BAHCC1: variants seen among roughly 807,000 people sequenced by gnomAD.
The protein encoded by BAHCC1 is BAH and coiled-coil domain-containing protein 1.
Under a neutral mutation model 88.2 loss-of-function variants are expected in BAHCC1, and 43 were observed. That is an observed-to-expected ratio of 0.49 (90% confidence interval 0.38 to 0.63). BAHCC1 has a LOEUF of 0.63. BAHCC1 is among the 20% of genes least tolerant of loss of function. The pLI is 0.00. For synonymous variants in BAHCC1, 1,510 were observed against 745.5 expected, an observed-to-expected ratio of 2.03 and a Z score of -16.71; for missense variants, 3,023 against 1,654.8, an observed-to-expected ratio of 1.83 and a Z score of -14.34.
chr17:81,407,727 T>C (rs186234736), intron 2 of BAHCC1, among the ~76,000 whole-genome samples: 1 of 152,312 alleles, frequency 6.6e-6, no homozygotes, highest in East Asian at 1.9e-4. Context: ...CCAGTAAGGA[T>C]ATCCCAGCGG....
rs1008356410 is a variant in BAHCC1 at position 81,430,395 on chromosome 17, C to T, written c.358+3416C>T. Among the ~76,000 whole-genome samples the T allele has an allele frequency of 1.8e-4, 28 of 152,302 alleles. No homozygotes were observed. In the East Asian group the frequency reaches 3.1e-3, roughly 17 times the overall value. ...CATGGGGGCGGCAGGCACACACACG[C>T]GCTGGCTCTCCGCCTGGCCGGCCTC... On this transcript the variant is annotated intron_variant, in intron 3 of 27. Transcript: ENST00000675386.
chr17:81,460,004 C>T (rs1048642658), intron 23 of BAHCC1, among the ~76,000 whole-genome samples: 32 of 152,138 alleles, frequency 2.1e-4, no homozygotes, highest in East Asian at 5.8e-4. Context: ...AGGCGGGACT[C>T]GGCTGGGAGG....
intron 25 of BAHCC1, 25 bp downstream of exon 25, chr17:81,460,731 C>G (rs1555658986): frequency 1.3e-6 from 1 of 776,154 alleles, no homozygotes; most frequent in Admixed American, 1.7e-5. Context: ...TTCCCAGAAT[C>G]CGGATCGGGG....
chr17:81,452,437 G>C lies in BAHCC1; in HGVS notation c.4317-286G>C, dbSNP rs142379463. Among the ~76,000 whole-genome samples the C allele has an allele frequency of 5.3e-3, 799 of 151,862 alleles. 4 individuals carry two copies. The highest frequency in any genetic ancestry group is 8.2e-3 in the Non-Finnish European group (554 of 67,830). On this transcript the variant is annotated intron_variant, in intron 13 of 27. Coordinates refer to ENST00000675386, the MANE Select transcript of BAHCC1 (RefSeq NM_001377448.1). Reference sequence around the variant, plus strand: ...AGTAGGGAGGACTGGGGGTGCTGTGGGGCCAGGGCAGAAGTTGGGGGATTC... The same window carrying C: ...AGTAGGGAGGACTGGGGGTGCTGTGCGGCCAGGGCAGAAGTTGGGGGATTC...
rs782680222 is a variant in BAHCC1, at chr17:81,461,084, G to A, written c.6421G>A (p.Val2141Met). ...KLRAREALFP[V>M]HSVATPIFGN... ...GCGGGCCCGCGAGGCCCTGTTCCCC[G>A]TGCACAGCGTGGCCACACCCATATT... Residue 2141 changes from valine to methionine, a missense_variant, in exon 26 of 28, where the codon GTG becomes ATG. Coordinates refer to ENST00000675386, the MANE Select transcript of BAHCC1 (RefSeq NM_001377448.1). 1.8e-5 allele frequency: 14 copies of A among 768,596 alleles called. No individual in the cohort carries two copies. The highest frequency in any genetic ancestry group is 4.9e-5 in the East Asian group (2 of 41,150). The allele number at this position is 768,596 out of a possible 1,614,324, so 47.6% of individuals were successfully genotyped here. A position where few individuals can be genotyped will look rare whatever the true frequency, so the allele number is the denominator to read the frequency against.
Position 81,405,924 on chromosome 17 carries a change from G to C in BAHCC1, c.178+6007G>C, listed in dbSNP as rs188565868. On this transcript the variant is annotated intron_variant, in intron 2 of 27. Coordinates refer to ENST00000675386, the MANE Select transcript of BAHCC1 (RefSeq NM_001377448.1). ...ATGGCATATGCCCTCTTTTGGAGTG[G>C]TCTTCTCAGAGGGGCCTGGTTGCCC... Among the ~76,000 whole-genome samples the C allele has an allele frequency of 3.6e-3, 547 of 152,356 alleles. 1 individual carries two copies. The highest frequency in any genetic ancestry group is 6.3e-3 in the Non-Finnish European group (426 of 68,026).
Position 81,399,138 on chromosome 17 carries a change from T to A in BAHCC1, c.-206-396T>A. 3 of 353,008 alleles carry A rather than the reference T, an allele frequency of 8.5e-6. No individual in the cohort carries two copies. The highest frequency in any genetic ancestry group is 1.8e-5 in the South Asian group (1 of 54,204). The allele number at this position is 353,008 out of a possible 1,614,324, so 21.9% of individuals were successfully genotyped here. ...GAGGGTGTGCGTGTGAGTGTGTGTG[T>A]GTGTGTGTGTGTGTGCGAGTGTGCG... On this transcript the variant is annotated intron_variant, in intron 1 of 27. Coordinates refer to ENST00000675386, the MANE Select transcript of BAHCC1 (RefSeq NM_001377448.1). The surrounding 1 kb of genome is among the most constrained non-coding windows in gnomAD (Gnocchi z 4.5).
chr17:81,447,974 C>T, intron 11 of BAHCC1, 126 bp downstream of exon 11: 2 of 639,252 alleles, frequency 3.1e-6, no homozygotes, highest in South Asian at 1.7e-5. Context: ...GTGGTAGGTC[C>T]CCTGGAGAGT....
Position 81,411,510 on chromosome 17 carries a change from G to GCCTGCCTA in BAHCC1, c.178+11600_178+11601insACCTGCCT. 4.2e-6 allele frequency: 1 copy of GCCTGCCTA among 239,976 alleles called. No individual in the cohort carries two copies. Among genetic ancestry groups the GCCTGCCTA allele is most frequent in the Non-Finnish European group, 8.5e-6 (1 of 117,918 alleles). 14.9% of individuals were successfully genotyped at this position (239,976 alleles called of 1,614,324 possible). ...TGCCTGCCTGCCTGCCTGCCTGCCT[G>GCCTGCCTA]CCTGCCTTCCTTCCTTCCTTCCTTC... On this transcript the variant is annotated intron_variant, in intron 2 of 27. Transcript: ENST00000675386. This position sits in a 1 kb window ranked among gnomAD's most constrained non-coding sequence, Gnocchi z 6.2.
intron 4 of BAHCC1, among the ~76,000 whole-genome samples, chr17:81,439,982 A>T (rs1555652258): frequency 6.6e-6 from 1 of 151,978 alleles, no homozygotes; most frequent in African/African-American, 2.4e-5. Flanking sequence ...GAGATTTGCT[A>T]AGGCTCAGGA....
intron 24 of BAHCC1, 21 bp downstream of exon 24, chr17:81,460,417 G>A (rs2030143778): frequency 4.0e-6 from 3 of 747,574 alleles, no homozygotes; most frequent in Non-Finnish European, 7.5e-6. Flanking sequence ...GAGCTGCACG[G>A]GGCAGGGCCC....
intron 2 of BAHCC1, among the ~76,000 whole-genome samples, chr17:81,418,415 G>A (rs2064062895): frequency 6.6e-6 from 1 of 152,298 alleles, no homozygotes; most frequent in Non-Finnish European, 1.5e-5. Flanking sequence ...CCCAGGAGAC[G>A]CAGCTCAGAA....
In BAHCC1 at chr17:81,445,452, G is replaced by A. The variant is rs8080614; in HGVS notation, c.2934G>A (p.Pro978=). Residue 978 remains proline, a synonymous_variant, in exon 10 of 28, where the codon CCG becomes CCA. Coordinates refer to ENST00000675386, the MANE Select transcript of BAHCC1 (RefSeq NM_001377448.1). ...HKPVALTPTA[P]GAPSPAAGPT... ...CAGTTGCCTTAACCCCCACGGCCCCGGGCGCCCCCTCACCCGCTGCAGGCC... is the reference window on the plus strand; with the variant it reads ...CAGTTGCCTTAACCCCCACGGCCCCAGGCGCCCCCTCACCCGCTGCAGGCC... 1,007 of 764,158 alleles carry A rather than the reference G, an allele frequency of 1.3e-3. 9 individuals are homozygous for A. In the African/African-American group the frequency reaches 0.015, roughly 12 times the overall value. 47.3% of individuals were successfully genotyped at this position (764,158 alleles called of 1,614,324 possible).
At chr17:81,413,227 G>A (rs924226627) in intron 2 of BAHCC1, 7 of 280,696 alleles carry the variant, frequency 2.5e-5, no homozygotes, top group African/African-American at 7.0e-5. Flanking sequence ...CCCCCCGGGC[G>A]CTCGCTGCTG....
rs1414679263 is a variant in BAHCC1, at chr17:81,445,105, T to C, written c.2762T>C (p.Val921Ala). 4 of 772,768 alleles carry C rather than the reference T, an allele frequency of 5.2e-6. No individual in the cohort carries two copies. Among genetic ancestry groups the C allele is most frequent in the African/African-American group, 1.7e-5 (1 of 58,976 alleles). 47.9% of individuals were successfully genotyped at this position (772,768 alleles called of 1,614,324 possible). ...SHMQHPGQLP[V>A]YSRPQLLRQQ... ...ATGCAGCACCCGGGCCAGCTCCCTG[T>C]GTACTCGAGGCCGCAGCTCCTCCGG... Residue 921 changes from valine (V) to alanine (A), a missense_variant, in exon 9 of 28, where the codon GTG (valine) becomes GCG (alanine). By Grantham distance (64) the Val-to-Ala change is moderately conservative. Transcript: ENST00000675386.
At chr17:81,403,842 G>T (rs1311828446) in intron 2 of BAHCC1, among the ~76,000 whole-genome samples, 1 of 152,126 alleles carries the variant, frequency 6.6e-6, no homozygotes, top group Non-Finnish European at 1.5e-5. Context: ...ACCGGCGGCG[G>T]TGGCCCGCCA....
At chr17:81,429,447 G>A (rs1206899037) in intron 3 of BAHCC1, among the ~76,000 whole-genome samples, 11 of 152,252 alleles carry the variant, frequency 7.2e-5, no homozygotes, top group Admixed American at 7.2e-4. Context: ...GAGCTGCCGC[G>A]CTGTGAGCTG....
rs532373606 is a variant in BAHCC1 at position 81,455,315 on chromosome 17, C to G, written c.4494C>G (p.Gly1498=). The G allele has an allele frequency of 8.4e-6, 6 of 717,306 alleles. No homozygotes were observed. The highest frequency in any genetic ancestry group is 1.7e-5 in the African/African-American group (1 of 57,440). The allele number at this position is 717,306 out of a possible 1,614,324, so 44.4% of individuals were successfully genotyped here. ...TGCTGTGTGCGGAGCTGCGAGGAGG[C>G]AGTGGGGGCGAGCCTGCGAAGAAGC... ...LGLLCAELRG[G]SGGEPAKKRS... Residue 1498 remains glycine, a synonymous_variant, in exon 15 of 28, where the codon GGC becomes GGG. Coordinates refer to ENST00000675386, the MANE Select transcript of BAHCC1 (RefSeq NM_001377448.1).
At chr17:81,432,629 C>T (rs1321857000) in intron 3 of BAHCC1, among the ~76,000 whole-genome samples, 3 of 82,100 alleles carry the variant, frequency 3.7e-5, no homozygotes, top group Non-Finnish European at 7.9e-5. Context: ...TGGACCCACC[C>T]TCCCGGGCCC....
Sources: gnomAD v4.1 joint callset for allele counts (sites outside exome capture counted in the v4.1 genomes callset) on GRCh38, gnomAD v4.1.1 for gene constraint, Gnocchi (gnomAD v3.1) non-coding constraint, MANE v1.5 for transcripts, NCBI Gene and HGNC (gene_info 2026-07-23, HGNC 2026-07-21) for gene names.